Variants in TMPRSS11A observed in about 807,000 individuals in gnomAD.
TMPRSS11A encodes the protein transmembrane protease serine 11A.
TMPRSS11A carries 53 observed loss-of-function variants against 58.9 expected under a neutral mutation model. The observed-to-expected ratio is 0.90, with a 90% CI of 0.72 to 1.13. The LOEUF (loss-of-function observed/expected upper bound fraction) is 1.13. Ranked by LOEUF, TMPRSS11A falls within the 50% of genes most tolerant of loss-of-function variation. The probability of loss-of-function intolerance (pLI) is 0.00; values close to 1 mark genes in which losing one functional copy is unlikely to be tolerated. For synonymous variants in TMPRSS11A, 167 were observed against 169.8 expected (o/e 0.98, Z 0.13); for missense variants, 493 against 499.3 (o/e 0.99, Z 0.12).
intron 8 of TMPRSS11A, among the ~76,000 whole-genome samples, chr4:67,918,464 T>G (rs1433979803): frequency 6.6e-6 from 1 of 152,262 alleles, no homozygotes; most frequent in East Asian, 1.9e-4. Flanking sequence ...AAAGAATATT[T>G]GAGTTAGCCA....
chr4:67,947,506 C>A (rs982031030), intron 1 of TMPRSS11A, among the ~76,000 whole-genome samples: 3 of 152,094 alleles, frequency 2.0e-5, no homozygotes, highest in Admixed American at 6.6e-5. Context: ...TTAACTTGTT[C>A]TTTTATATCC....
chr4:67,960,686 G>A (rs1721401052), intron 1 of TMPRSS11A, among the ~76,000 whole-genome samples: 1 of 152,018 alleles, frequency 6.6e-6, no homozygotes. Flanking sequence ...AATTCTGAAG[G>A]TATAATTTTA....
rs144079053 is a variant in TMPRSS11A at position 67,926,953 on chromosome 4, C to T, written c.482-2787G>A. On this transcript the variant is annotated intron_variant, in intron 5 of 9. Coordinates refer to ENST00000508048, the MANE Select transcript of TMPRSS11A (RefSeq NM_001114387.2). ...AAAGCTGAACACTCAACAGGACAAC[C>T]TGCCTGCAGAGAGGAGCTTCTACCT... Among the ~76,000 whole-genome samples, 3 of 152,190 alleles carry T rather than the reference C, an allele frequency of 2.0e-5. No individual in the cohort carries two copies. The East Asian group carries it at 5.8e-4, about 29-fold the overall frequency.
At chr4:67,912,832 A>G (rs76425090) in intron 9 of TMPRSS11A, among the ~76,000 whole-genome samples, 2,695 of 152,224 alleles carry the variant, frequency 0.018, 75 homozygotes, top group African/African-American at 0.059. Context: ...CTTTTCTTCA[A>G]TAGGATGCAT....
At chr4:67,913,732 G>A (rs1356038485) in intron 9 of TMPRSS11A, among the ~76,000 whole-genome samples, 1 of 152,194 alleles carries the variant, frequency 6.6e-6, no homozygotes, top group East Asian at 1.9e-4. Context: ...CTTTTGCCCA[G>A]CCTCTATGTC....
chr4:67,924,145 T>C lies in TMPRSS11A; in HGVS notation c.503A>G (p.Glu168Gly). The change falls in exon 6 of 10, where the codon GAG becomes GGG. Residue 168 changes from glutamate (E) to glycine (G), a missense_variant. Transcript: ENST00000508048. Reference protein sequence around the residue: ...QVNAMSSSTGELTVQASCGKR... With the variant: ...QVNAMSSSTGGLTVQASCGKR... ...TGACTTACTTGCTTGGACAGTTAACTCCCCTGTTGATGAGCTCATTGCTGA... is the reference window on the plus strand; with the variant it reads ...TGACTTACTTGCTTGGACAGTTAACCCCCCTGTTGATGAGCTCATTGCTGA... 6.2e-7 allele frequency: 1 copy of C among 1,613,394 alleles called. No homozygotes were observed. The highest frequency in any genetic ancestry group is 1.7e-5 in the Admixed American group (1 of 60,008).
chr4:67,957,543 G>A (rs1213221280), intron 1 of TMPRSS11A, among the ~76,000 whole-genome samples: 1 of 152,150 alleles, frequency 6.6e-6, no homozygotes. Context: ...AGGGTATCTG[G>A]AGAAAGAAAT....
At chr4:67,936,334 G>GTTTTTTT (rs33950733) in intron 3 of TMPRSS11A, among the ~76,000 whole-genome samples, 4 of 142,892 alleles carry the variant, frequency 2.8e-5, no homozygotes, top group African/African-American at 1.0e-4. Context: ...AACTCTAGGT[G>GTTTTTTT]TTTTTTTTTT....
intron 1 of TMPRSS11A, among the ~76,000 whole-genome samples, chr4:67,959,240 T>G (rs1721365343): frequency 6.6e-6 from 1 of 152,240 alleles, no homozygotes; most frequent in Admixed American, 6.5e-5. Context: ...GTATTGTGAA[T>G]ATTTTACTCA....
chr4:67,950,428 T>C (rs923946010), intron 1 of TMPRSS11A, among the ~76,000 whole-genome samples: 12 of 152,322 alleles, frequency 7.9e-5, no homozygotes, highest in Middle Eastern at 3.4e-3. Context: ...AATCTCTCTA[T>C]TGGGGAAGCC....
At chr4:67,960,853 C>T (rs1306092255) in intron 1 of TMPRSS11A, among the ~76,000 whole-genome samples, 1 of 152,098 alleles carries the variant, frequency 6.6e-6, no homozygotes, top group Non-Finnish European at 1.5e-5. Context: ...TGATTTTTTG[C>T]ATTTATTAAA....
chr4:67,948,936 G>A (rs1020363924), intron 1 of TMPRSS11A, among the ~76,000 whole-genome samples: 12 of 76,112 alleles, frequency 1.6e-4, no homozygotes, highest in Non-Finnish European at 2.8e-4. Flanking sequence ...ATTTATTCTC[G>A]GTGCCCCTCT....
Position 67,924,139 on chromosome 4 carries a change from G to C in TMPRSS11A, c.509C>G (p.Thr170Ser), listed in dbSNP as rs754035699. Residue 170 changes from threonine to serine, a missense_variant, in exon 6 of 10, where the codon ACT (threonine) becomes AGT (serine). Physicochemically the swap from Thr to Ser is moderately conservative, Grantham distance 58. Transcript: ENST00000508048. ...CTAACTTGACTTACTTGCTTGGACA[G>C]TTAACTCCCCTGTTGATGAGCTCAT... Reference protein sequence around the residue: ...NAMSSSTGELTVQASCGKRVV... With the variant: ...NAMSSSTGELSVQASCGKRVV... 12 of 1,613,308 alleles carry C rather than the reference G, an allele frequency of 7.4e-6. No homozygotes were observed. Among genetic ancestry groups the C allele is most frequent in the Non-Finnish European group, 1.0e-5 (12 of 1,179,440 alleles).
intron 3 of TMPRSS11A, among the ~76,000 whole-genome samples, chr4:67,942,534 AC>A (rs1342743092): frequency 1.3e-5 from 2 of 152,200 alleles, no homozygotes; most frequent in African/African-American, 4.8e-5. Flanking sequence ...TGTTTAAGAT[AC>A]CCAGCCTATG....
chr4:67,932,874 GC>G (rs1351228211), intron 3 of TMPRSS11A, among the ~76,000 whole-genome samples: 1 of 152,100 alleles, frequency 6.6e-6, no homozygotes, highest in Non-Finnish European at 1.5e-5. Context: ...CAAAGCCACT[GC>G]TTTTAGTCCA....
chr4:67,952,435 G>A (rs1306790294), intron 1 of TMPRSS11A, among the ~76,000 whole-genome samples: 2 of 152,126 alleles, frequency 1.3e-5, no homozygotes, highest in African/African-American at 4.8e-5. Context: ...TCAGTGTAGA[G>A]GTGGTTTTAC....
At chr4:67,960,932 C>T (rs1206933875) in intron 1 of TMPRSS11A, among the ~76,000 whole-genome samples, 1 of 152,052 alleles carries the variant, frequency 6.6e-6, no homozygotes, top group African/African-American at 2.4e-5. Context: ...AAGAATCTCA[C>T]CTGAAGAAGT....
intron 7 of TMPRSS11A, among the ~76,000 whole-genome samples, chr4:67,920,205 C>A (rs967638475): frequency 6.6e-6 from 1 of 152,018 alleles, no homozygotes; most frequent in African/African-American, 2.4e-5. Flanking sequence ...AATGAAAGAT[C>A]ATCTAGTAAA....
At chr4:67,924,243 G>A in intron 5 of TMPRSS11A, 77 bp from the exon 6 acceptor site, 1 of 1,199,008 alleles carries the variant, frequency 8.3e-7, no homozygotes, top group South Asian at 1.2e-5. Flanking sequence ...ATAATCAGAG[G>A]ATACTGACCA....
Sources: allele counts gnomAD v4.1 joint callset (sites outside exome capture counted in the v4.1 genomes callset), GRCh38; gene constraint gnomAD v4.1.1; transcripts MANE v1.5; gene names NCBI Gene and HGNC (gene_info 2026-07-23, HGNC 2026-07-21).